The following FAAH2 variants were observed in gnomAD, a reference collection of about 807,000 sequenced individuals.
FAAH2 encodes fatty-acid amide hydrolase 2.
Under a neutral mutation model 36.9 loss-of-function variants are expected in FAAH2, and 60 were observed. The observed-to-expected ratio is 1.63, with a 90% CI of 1.32 to 2.02. FAAH2 has a LOEUF of 2.02. FAAH2 is among the 30% of genes most tolerant of loss of function. The pLI, the probability that FAAH2 is intolerant of heterozygous loss-of-function variation, is 0.00. For synonymous variants in FAAH2, 214 were observed against 143.8 expected (o/e 1.49, Z -3.49); for missense variants, 689 against 397.5 (o/e 1.73, Z -6.23).
intron 7 of FAAH2, among the ~76,000 whole-genome samples, chrX:57,390,246 A>C: frequency 8.9e-6 from 1 of 112,062 alleles, no homozygotes; most frequent in East Asian, 2.8e-4. Context: ...AGATACATGC[A>C]AAAAACAATT....
chrX:57,482,375 C>T (rs769757880), intron 10 of FAAH2, among the ~76,000 whole-genome samples: 5 of 111,586 alleles, frequency 4.5e-5, no homozygotes, highest in South Asian at 3.8e-4. Flanking sequence ...CTCAGGGCCC[C>T]GGTGGTGTAG....
At chrX:57,474,435 A>C (rs2057228022) in intron 10 of FAAH2, among the ~76,000 whole-genome samples, 1 of 109,577 alleles carries the variant, frequency 9.1e-6, no homozygotes, top group Non-Finnish European at 1.9e-5. Context: ...TTCAACTCCC[A>C]CTTATGAGTG....
At chrX:57,136,147 CCAT>C in the FAAH2 span, 2 of 1,210,036 alleles carry the variant, frequency 1.7e-6, no homozygotes, top group Non-Finnish European at 2.2e-6. Context: ...TGAGCTAAGA[CCAT>C]CCCCCTCCAT....
At chrX:57,380,801 G>A in intron 6 of FAAH2, 111 bp from the exon 7 acceptor site, 1 of 464,545 alleles carries the variant, frequency 2.2e-6, no homozygotes, top group Non-Finnish European at 3.7e-6. Flanking sequence ...CTGGCACACA[G>A]TGCTCAGGGA....
the FAAH2 span, among the ~76,000 whole-genome samples, chrX:57,206,787 A>G: frequency 8.9e-6 from 1 of 112,339 alleles, no homozygotes; most frequent in Non-Finnish European, 1.9e-5. Flanking sequence ...CAATGTCCCC[A>G]TAGGTTGTAT....
At chrX:57,470,770 C>A (rs1366524376) in intron 10 of FAAH2, among the ~76,000 whole-genome samples, 1 of 111,278 alleles carries the variant, frequency 9.0e-6, no homozygotes, top group African/African-American at 3.3e-5. Flanking sequence ...ATCCTAATAC[C>A]AAAGCCTGGC....
chrX:57,374,219 A>C (rs1423286913), intron 5 of FAAH2, among the ~76,000 whole-genome samples: 1 of 111,196 alleles, frequency 9.0e-6, no homozygotes, highest in Non-Finnish European at 1.9e-5. Flanking sequence ...GTCCCATATG[A>C]ATTTTGGGAA....
intron 3 of FAAH2, among the ~76,000 whole-genome samples, chrX:57,331,347 C>T (rs1272025042): frequency 9.0e-6 from 1 of 110,968 alleles, no homozygotes; most frequent in Non-Finnish European, 1.9e-5. Flanking sequence ...GAGCAAGTCC[C>T]AGTGAACAGT....
At chrX:57,272,265 C>A in the FAAH2 span, among the ~76,000 whole-genome samples, 1 of 109,206 alleles carries the variant, frequency 9.2e-6, no homozygotes, top group Non-Finnish European at 1.9e-5. Context: ...GTGAAAAGAC[C>A]AAACCTGTGT....
At chrX:57,359,314 G>GT (rs1193946932) in intron 5 of FAAH2, among the ~76,000 whole-genome samples, 1 of 111,118 alleles carries the variant, frequency 9.0e-6, no homozygotes, top group Non-Finnish European at 1.9e-5. Context: ...CATCCCATAT[G>GT]TTTAGGTATG....
At chrX:57,355,131 A>C (rs1046881336) in intron 5 of FAAH2, among the ~76,000 whole-genome samples, 1 of 110,958 alleles carries the variant, frequency 9.0e-6, no homozygotes, top group Admixed American at 9.7e-5. Context: ...TAACCTCCAG[A>C]GTCTCAGTTT....
the FAAH2 span, among the ~76,000 whole-genome samples, chrX:57,215,167 C>A: frequency 1.1e-4 from 12 of 107,780 alleles, no homozygotes; most frequent in South Asian, 7.9e-4. Context: ...CATAAACAGG[C>A]ACTTCCCAAA....
At chrX:57,436,309 A>G (rs1220339664) in intron 8 of FAAH2, among the ~76,000 whole-genome samples, 3 of 110,581 alleles carry the variant, frequency 2.7e-5, no homozygotes, top group Admixed American at 1.9e-4. Context: ...GCCATGAACT[A>G]GAAACACAAG....
chrX:57,461,853 T>C (rs1298923165), intron 10 of FAAH2, among the ~76,000 whole-genome samples: 1 of 109,621 alleles, frequency 9.1e-6, no homozygotes, highest in East Asian at 2.9e-4. Flanking sequence ...AATCAATGAA[T>C]ACAGGAGCTG....
At chrX:57,335,891 C>T (rs769172137) in intron 4 of FAAH2, among the ~76,000 whole-genome samples, 1 of 111,939 alleles carries the variant, frequency 8.9e-6, no homozygotes, top group South Asian at 3.8e-4. Flanking sequence ...AGCAAACATG[C>T]TGCCTTCAAG....
chrX:57,459,821 T>C (rs5960983), intron 10 of FAAH2, among the ~76,000 whole-genome samples: 60,067 of 110,322 alleles, frequency 0.54, 14,409 homozygotes, highest in Non-Finnish European at 0.75. Flanking sequence ...AAAGAAACCC[T>C]TACAAAACCC....
intron 5 of FAAH2, among the ~76,000 whole-genome samples, chrX:57,357,268 G>A (rs2054180961): frequency 9.0e-6 from 1 of 111,094 alleles, no homozygotes; most frequent in Non-Finnish European, 1.9e-5. Context: ...CAGGACATAG[G>A]CATGGGTAAA....
the FAAH2 span, among the ~76,000 whole-genome samples, chrX:57,273,494 T>C: frequency 9.0e-6 from 1 of 111,638 alleles, no homozygotes; most frequent in East Asian, 2.8e-4. Flanking sequence ...ATTTTAAAAT[T>C]GACCACATAA....
chrX:57,192,352 G>A, the FAAH2 span, among the ~76,000 whole-genome samples: 982 of 110,737 alleles, frequency 8.9e-3, 12 homozygotes, highest in Admixed American at 0.051. Flanking sequence ...TTTTTTTGTG[G>A]CATCTTTAAA....
Sources: allele counts gnomAD v4.1 joint callset (sites outside exome capture counted in the v4.1 genomes callset), GRCh38; gene constraint gnomAD v4.1.1; transcripts MANE v1.5; gene names NCBI Gene and HGNC (gene_info 2026-07-23, HGNC 2026-07-21).